The following GRB10 variants were observed in gnomAD, a reference collection of about 807,000 sequenced individuals.
The protein encoded by GRB10 is growth factor receptor bound protein 10, also known as growth factor receptor-bound protein 10.
Under a neutral mutation model 80.9 loss-of-function variants are expected in GRB10, and 20 were observed. The ratio of observed to expected loss-of-function variants is 0.25; its 90% CI spans 0.17 to 0.36. The LOEUF is 0.36. GRB10 is among the 10% of genes least tolerant of loss of function. The pLI, the probability that GRB10 is intolerant of heterozygous loss-of-function variation, is 1.00. For missense variants in GRB10, 548 were observed against 747.7 expected, an observed-to-expected ratio of 0.73 and a Z score of 3.12; for synonymous variants, 291 against 291.5, an observed-to-expected ratio of 1.00 and a Z score of 0.02.
At chr7:50,713,291 A>C (rs768408218) in intron 4 of GRB10, among the ~76,000 whole-genome samples, 1 of 147,122 alleles carries the variant, frequency 6.8e-6, no homozygotes. Flanking sequence ...TGCGGTCACT[A>C]CCTCCCCTCC....
chr7:50,623,373 T>C (rs2052240469), intron 8 of GRB10, among the ~76,000 whole-genome samples: 1 of 152,180 alleles, frequency 6.6e-6, no homozygotes, highest in Non-Finnish European at 1.5e-5. Flanking sequence ...TTGCAACAAC[T>C]TTTTCAAGTG....
intron 5 of GRB10, among the ~76,000 whole-genome samples, chr7:50,685,876 A>ATGCAG (rs2062047824): frequency 6.6e-6 from 1 of 152,142 alleles, no homozygotes; most frequent in African/African-American, 2.4e-5. Context: ...GTTTTCCAGA[A>ATGCAG]TGTGGATGGA....
chr7:50,717,748 T>C (rs944026805), intron 4 of GRB10, among the ~76,000 whole-genome samples: 2 of 152,326 alleles, frequency 1.3e-5, no homozygotes, highest in African/African-American at 2.4e-5. Context: ...TAGATGGAAA[T>C]TGCTTTTTAG....
intron 3 of GRB10, among the ~76,000 whole-genome samples, chr7:50,742,646 G>T (rs983512196): frequency 6.6e-6 from 1 of 151,786 alleles, no homozygotes; most frequent in Non-Finnish European, 1.5e-5. Flanking sequence ...CTACTGGACT[G>T]CATATTACAT....
chr7:50,731,635 A>G (rs2069748328), intron 4 of GRB10, among the ~76,000 whole-genome samples: 1 of 152,246 alleles, frequency 6.6e-6, no homozygotes, highest in African/African-American at 2.4e-5. Context: ...TGAAAGTTCA[A>G]ATAAAATCTG....
intron 5 of GRB10, among the ~76,000 whole-genome samples, chr7:50,689,648 G>C (rs1016608220): frequency 2.0e-5 from 3 of 152,136 alleles, no homozygotes; most frequent in South Asian, 2.1e-4. Context: ...TGTGCACACA[G>C]TGTCTACCCA....
chr7:50,636,713 C>A (rs573886536), intron 7 of GRB10, among the ~76,000 whole-genome samples: 5 of 152,052 alleles, frequency 3.3e-5, no homozygotes, highest in African/African-American at 1.2e-4. Flanking sequence ...ACAAACTAGG[C>A]ACTAAAAGAA....
intron 7 of GRB10, among the ~76,000 whole-genome samples, chr7:50,667,702 A>G (rs2059952889): frequency 6.6e-6 from 1 of 152,056 alleles, no homozygotes; most frequent in African/African-American, 2.4e-5. Flanking sequence ...ACTTTCTACA[A>G]GTAGTTCTAG....
At chr7:50,774,177 T>C (rs1274934483) in intron 2 of GRB10, among the ~76,000 whole-genome samples, 1 of 152,110 alleles carries the variant, frequency 6.6e-6, no homozygotes, top group Non-Finnish European at 1.5e-5. Flanking sequence ...AAAGTAGAGT[T>C]CCTTAGGGTT....
At chr7:50,710,418 C>T (rs1392778422) in intron 4 of GRB10, among the ~76,000 whole-genome samples, 3 of 152,170 alleles carry the variant, frequency 2.0e-5, no homozygotes, top group East Asian at 3.9e-4. Context: ...CAGTCATTGG[C>T]GTTCCGTTTC....
intron 17 of GRB10, 71 bp from the exon 18 acceptor site, chr7:50,595,601 T>TGACACACACACACA: frequency 3.1e-5 from 17 of 556,332 alleles, no homozygotes; most frequent in Middle Eastern, 3.5e-4. Context: ...ACACACTCTC[T>TGACACACACACACA]TACACACACA....
chr7:50,647,408 C>T lies in GRB10; in HGVS notation c.505-20430G>A, dbSNP rs572681067. On this transcript the variant is annotated intron_variant, in intron 7 of 18. Transcript: ENST00000401949. ...GTCAGATTGGCCGAACCTTTTCAAGCCATCTCAGGCCCAGCTACATGGGGA... is the reference window on the plus strand; with the variant it reads ...GTCAGATTGGCCGAACCTTTTCAAGTCATCTCAGGCCCAGCTACATGGGGA... Among the ~76,000 whole-genome samples the T allele has an allele frequency of 7.9e-5, 12 of 152,314 alleles. 1 individual carries two copies. The South Asian group carries it at 2.5e-3, about 32-fold the overall frequency.
At chr7:50,683,336 T>C (rs1256721154) in intron 5 of GRB10, among the ~76,000 whole-genome samples, 2 of 152,196 alleles carry the variant, frequency 1.3e-5, no homozygotes, top group East Asian at 3.8e-4. Context: ...ATTTGATGGG[T>C]ACAGAGTTTC....
intron 7 of GRB10, among the ~76,000 whole-genome samples, chr7:50,652,855 C>T (rs1468772525): frequency 6.6e-6 from 1 of 152,194 alleles, no homozygotes; most frequent in Non-Finnish European, 1.5e-5. Context: ...TCAGAATTAT[C>T]AGCATGGAGA....
At chr7:50,730,566 G>A (rs1418881363) in intron 4 of GRB10, among the ~76,000 whole-genome samples, 4 of 152,218 alleles carry the variant, frequency 2.6e-5, no homozygotes, top group Non-Finnish European at 5.9e-5. Flanking sequence ...GAGTAAGACA[G>A]TGCTTTCAAA....
intron 4 of GRB10, among the ~76,000 whole-genome samples, chr7:50,715,959 G>C (rs2066793413): frequency 6.6e-6 from 1 of 152,210 alleles, no homozygotes; most frequent in Admixed American, 6.5e-5. Flanking sequence ...CGCAGGGAGG[G>C]GGAATCTCCC....
At chr7:50,669,999 T>A (rs773155558) in intron 6 of GRB10, 136 bp from the exon 7 acceptor site, 39 of 1,130,582 alleles carry the variant, frequency 3.4e-5, no homozygotes, top group Non-Finnish European at 4.5e-5. Flanking sequence ...CACAGTGGCA[T>A]CCTTCACAAA....
At chr7:50,596,160 G>C (rs1207463355) in intron 17 of GRB10, among the ~76,000 whole-genome samples, 2 of 152,148 alleles carry the variant, frequency 1.3e-5, no homozygotes, top group African/African-American at 4.8e-5. Flanking sequence ...GCAGATGAAA[G>C]GTGGATGAGA....
At chr7:50,653,931 A>T (rs62445777) in intron 7 of GRB10, among the ~76,000 whole-genome samples, 4,090 of 152,258 alleles carry the variant, frequency 0.027, 84 homozygotes, top group Non-Finnish European at 0.046. Context: ...ATCCAGCTAG[A>T]AGTGTAACCA....
Sources: gnomAD v4.1 joint callset for allele counts (sites outside exome capture counted in the v4.1 genomes callset) on GRCh38, gnomAD v4.1.1 for gene constraint, MANE v1.5 for transcripts, NCBI Gene and HGNC (gene_info 2026-07-23, HGNC 2026-07-21) for gene names.